The following RALGAPA1 variants were observed in gnomAD, a reference collection of about 807,000 sequenced individuals.
The protein encoded by RALGAPA1 is Ral GTPase activating protein catalytic subunit alpha 1, also known as ral GTPase-activating protein subunit alpha-1.
A neutral mutation model predicts 269.6 loss-of-function variants in RALGAPA1; 52 were observed. That is an observed-to-expected ratio of 0.19 (90% CI 0.15 to 0.24). RALGAPA1 has a LOEUF of 0.24. RALGAPA1 is among the 10% of genes least tolerant of loss of function. RALGAPA1 has a pLI of 1.00. For missense variants in RALGAPA1, 1,917 were observed against 3,013.9 expected (o/e 0.64, Z 8.52); for synonymous variants, 817 against 1,008.3 (o/e 0.81, Z 3.60).
intron 35 of RALGAPA1, among the ~76,000 whole-genome samples, chr14:35,609,214 G>A (rs561794782): frequency 5.4e-5 from 8 of 148,802 alleles, no homozygotes; most frequent in Admixed American, 1.3e-4. Flanking sequence ...GCGACAGAGC[G>A]ACACTCCGTC....
At chr14:35,747,766 C>T (rs902868911) in intron 10 of RALGAPA1, among the ~76,000 whole-genome samples, 2 of 152,182 alleles carry the variant, frequency 1.3e-5, no homozygotes, top group Non-Finnish European at 2.9e-5. Context: ...AAGTTAAGTG[C>T]CTTTGCCATC....
At chr14:35,644,160 T>C (rs1366010413) in intron 31 of RALGAPA1, among the ~76,000 whole-genome samples, 1 of 152,140 alleles carries the variant, frequency 6.6e-6, no homozygotes, top group Non-Finnish European at 1.5e-5. Flanking sequence ...CATAAATATA[T>C]ACACCTACTA....
At chr14:35,709,615 T>C (rs1005668305) in intron 16 of RALGAPA1, among the ~76,000 whole-genome samples, 62 of 152,128 alleles carry the variant, frequency 4.1e-4, no homozygotes, top group Non-Finnish European at 6.5e-4. Context: ...TTGGATTTTT[T>C]TTCTCTAGTT....
At chr14:35,557,142 ATAT>A (rs2055704021) in intron 39 of RALGAPA1, among the ~76,000 whole-genome samples, 1 of 110,166 alleles carries the variant, frequency 9.1e-6, no homozygotes, top group African/African-American at 3.2e-5. Flanking sequence ...GTGTGTATAT[ATAT>A]TCTATTTTCA....
chr14:35,633,074 T>A (rs2061453244), intron 33 of RALGAPA1, among the ~76,000 whole-genome samples: 1 of 152,206 alleles, frequency 6.6e-6, no homozygotes, highest in African/African-American at 2.4e-5. Context: ...TCTATTTACA[T>A]CTTTTCCTTT....
intron 7 of RALGAPA1, among the ~76,000 whole-genome samples, chr14:35,753,077 C>A (rs1276684280): frequency 6.6e-6 from 1 of 151,992 alleles, no homozygotes; most frequent in Non-Finnish European, 1.5e-5. Context: ...AATGACAGCT[C>A]CTTAGAGAAG....
intron 1 of RALGAPA1, among the ~76,000 whole-genome samples, chr14:35,776,094 T>C (rs183708027): frequency 4.0e-4 from 61 of 152,296 alleles, no homozygotes; most frequent in Non-Finnish European, 2.2e-4. Context: ...TAATTTATGA[T>C]GTCTGAAGGC....
intron 26 of RALGAPA1, among the ~76,000 whole-genome samples, chr14:35,665,579 G>A (rs531814432): frequency 3.2e-4 from 49 of 152,194 alleles, no homozygotes; most frequent in African/African-American, 9.4e-4. Flanking sequence ...AATAAATACT[G>A]TAATAGAGGC....
chr14:35,710,952 C>T (rs1054376698), intron 16 of RALGAPA1, among the ~76,000 whole-genome samples: 8 of 152,198 alleles, frequency 5.3e-5, no homozygotes, highest in Non-Finnish European at 7.4e-5. Context: ...ATACATTCTA[C>T]GATGTTCGCA....
chr14:35,641,560 A>T (rs913461869), intron 31 of RALGAPA1, among the ~76,000 whole-genome samples: 6 of 152,196 alleles, frequency 3.9e-5, no homozygotes, highest in African/African-American at 1.2e-4. Flanking sequence ...TTTCTACAAT[A>T]AAAACTGTAA....
intron 37 of RALGAPA1, among the ~76,000 whole-genome samples, chr14:35,576,458 A>G (rs1035219578): frequency 8.5e-5 from 13 of 152,182 alleles, no homozygotes; most frequent in Non-Finnish European, 1.6e-4. Context: ...TATGCTATTC[A>G]TGTGCTGGCT....
At chr14:35,602,089 G>A (rs1036452103) in intron 36 of RALGAPA1, among the ~76,000 whole-genome samples, 2 of 152,068 alleles carry the variant, frequency 1.3e-5, no homozygotes, top group African/African-American at 2.4e-5. Flanking sequence ...TTGATGATTG[G>A]TTTCTTTCAT....
At chr14:35,676,250 C>T (rs2064937159) in intron 22 of RALGAPA1, 1 of 151,686 alleles carries the variant, frequency 6.6e-6, no homozygotes, top group Non-Finnish European at 1.5e-5. Context: ...ACTCTGTTAC[C>T]CAGGTTGGAG....
chr14:35,795,603 C>G (rs1198266038), intron 1 of RALGAPA1, among the ~76,000 whole-genome samples: 1 of 152,030 alleles, frequency 6.6e-6, no homozygotes, highest in African/African-American at 2.4e-5. Context: ...TGGACCCACC[C>G]AACAAATCAT....
chr14:35,605,648 T>C lies in RALGAPA1; in HGVS notation c.6991A>G (p.Ile2331Val), dbSNP rs2059553051. ...VAEGQEDKHS[I>V]LTNTGGSQAY... ...TGACTTCCTCCTGTATTGGTGAGAA[T>C]GGAGTGTTTGTCTTCTTGTCCTTCA... Residue 2331 changes from isoleucine to valine, a missense_variant, in exon 36 of 42, where the codon ATT becomes GTT. By Grantham distance (29) the Ile-to-Val change is conservative. Around this residue, in one of 11 missense-constraint regions of RALGAPA1, gnomAD observed 132 missense variants for 271.2 expected, o/e 0.49. Coordinates refer to ENST00000680220, the MANE Select transcript of RALGAPA1 (RefSeq NM_001346249.2). 3 of 1,611,962 alleles carry C rather than the reference T, an allele frequency of 1.9e-6. No individual in the cohort carries two copies. Among genetic ancestry groups the C allele is most frequent in the South Asian group, 1.1e-5 (1 of 90,278 alleles).
chr14:35,647,904 C>T (rs1284425460), intron 31 of RALGAPA1, among the ~76,000 whole-genome samples: 11 of 151,178 alleles, frequency 7.3e-5, no homozygotes, highest in South Asian at 2.1e-4. Context: ...GCTGAGATCA[C>T]GCCACTGCAC....
At chr14:35,690,967 G>T (rs1363741910) in intron 17 of RALGAPA1, among the ~76,000 whole-genome samples, 1 of 151,926 alleles carries the variant, frequency 6.6e-6, no homozygotes, top group Non-Finnish European at 1.5e-5. Context: ...TACTTGGGAG[G>T]CTGAGGCAGG....
At chr14:35,563,237 C>A (rs1459991979) in intron 39 of RALGAPA1, among the ~76,000 whole-genome samples, 1 of 151,780 alleles carries the variant, frequency 6.6e-6, no homozygotes, top group East Asian at 1.9e-4. Context: ...TGTTTTGAGG[C>A]AGTGTAAATA....
chr14:35,591,522 G>A (rs943818751), intron 37 of RALGAPA1, among the ~76,000 whole-genome samples: 2 of 152,038 alleles, frequency 1.3e-5, no homozygotes, highest in Non-Finnish European at 2.9e-5. Flanking sequence ...ATGTTACTCA[G>A]GTTGGTCTCA....
Sources: gnomAD v4.1 joint callset for allele counts (sites outside exome capture counted in the v4.1 genomes callset) on GRCh38, gnomAD v4.1.1 for gene constraint, gnomAD v4.1.1 regional missense constraint, MANE v1.5 for transcripts, NCBI Gene and HGNC (gene_info 2026-07-23, HGNC 2026-07-21) for gene names.